Variants in C20orf96 observed in about 807,000 individuals in gnomAD.
C20orf96 encodes uncharacterized protein C20orf96.
C20orf96 carries 57 observed loss-of-function variants against 52.6 expected under a neutral mutation model. The observed-to-expected ratio is 1.08, with a 90% CI of 0.88 to 1.35. C20orf96 has a LOEUF of 1.35. Ranked by LOEUF, C20orf96 falls within the 40% of genes most tolerant of loss-of-function variation. The pLI is 0.00. For missense variants in C20orf96, 478 were observed against 443.6 expected (o/e 1.08, Z -0.70); for synonymous variants, 168 against 157.2 (o/e 1.07, Z -0.51).
intron 4 of C20orf96, 118 bp downstream of exon 4, chr20:283,844 TC>T: frequency 2.7e-6 from 2 of 735,328 alleles, no homozygotes; most frequent in Non-Finnish European, 4.8e-6. Context: ...CTCACACAGT[TC>T]CTGTGAGGAA....
Position 276,820 on chromosome 20 carries a change from G to T in C20orf96, c.885C>A (p.Phe295Leu), listed in dbSNP as rs754559449. The T allele has an allele frequency of 1.9e-6, 3 of 1,613,616 alleles. No homozygotes were observed. Among genetic ancestry groups the T allele is most frequent in the Non-Finnish European group, 2.5e-6 (3 of 1,179,778 alleles). ...LLQKMWESQD[F>L]LKCMQRFREI... The stretch of plus-strand genomic sequence containing the variant: ...CTCTGAACCTTTGCATGCATTTCAG[G>T]AAGTCCTGGCTTTCCCACATCTTCT... Residue 295 changes from phenylalanine (F) to leucine (L), a missense_variant, in exon 9 of 11, where the codon TTC (phenylalanine) becomes TTA (leucine). Transcript: ENST00000360321.
chr20:283,819 A>C lies in C20orf96; in HGVS notation c.306+144T>G, dbSNP rs1474084102. 12 of 626,924 alleles carry C rather than the reference A, an allele frequency of 1.9e-5. No individual in the cohort carries two copies. The East Asian group carries it at 3.3e-4, about 17-fold the overall frequency. 38.8% of individuals were successfully genotyped at this position (626,924 alleles called of 1,614,324 possible). Reference sequence around the variant, plus strand: ...CAGTTTCCCGGTTTGTAAAATAGGAACAAGGATAAGCGTGCTCACACAGTT... The same window carrying C: ...CAGTTTCCCGGTTTGTAAAATAGGACCAAGGATAAGCGTGCTCACACAGTT... On this transcript the variant is annotated intron_variant, in intron 4 of 10. Coordinates refer to ENST00000360321, the MANE Select transcript of C20orf96 (RefSeq NM_153269.3).
chr20:284,149 G>A (rs1482798050), intron 3 of C20orf96, 68 bp from the exon 4 acceptor site: 2 of 1,186,526 alleles, frequency 1.7e-6, no homozygotes, highest in East Asian at 4.7e-5. Context: ...AGGTTCCCGG[G>A]AGTGCACCAT....
chr20:279,992 G>A (rs188724436), intron 4 of C20orf96, among the ~76,000 whole-genome samples: 12 of 151,942 alleles, frequency 7.9e-5, no homozygotes, highest in Admixed American at 6.6e-4. Flanking sequence ...AATAATAAAC[G>A]CCCCAGGTAG....
At chr20:282,880 A>AT (rs1410220476) in intron 4 of C20orf96, among the ~76,000 whole-genome samples, 2 of 152,144 alleles carry the variant, frequency 1.3e-5, no homozygotes, top group South Asian at 4.1e-4. Context: ...TCAAAAAAAA[A>AT]TTTTTTTAAA....
At chr20:279,676 G>T (rs574869799) in intron 4 of C20orf96, among the ~76,000 whole-genome samples, 1 of 152,218 alleles carries the variant, frequency 6.6e-6, no homozygotes, top group South Asian at 2.1e-4. Context: ...ATGAAATATA[G>T]AAATAATAGT....
chr20:282,654 T>C (rs1181854621), intron 4 of C20orf96, among the ~76,000 whole-genome samples: 2 of 152,148 alleles, frequency 1.3e-5, no homozygotes, highest in Non-Finnish European at 2.9e-5. Context: ...GCAGATCACC[T>C]AAGGTCAGGA....
At chr20:283,930 G>C (rs368593103) in intron 4 of C20orf96, 33 bp downstream of exon 4, 1 of 1,449,578 alleles carries the variant, frequency 6.9e-7, no homozygotes, top group Non-Finnish European at 9.7e-7. Flanking sequence ...TCCCTGTCCT[G>C]GGCCCAGTGT....
At chr20:276,674 C>G in intron 9 of C20orf96, 119 bp downstream of exon 9, 1 of 1,501,198 alleles carries the variant, frequency 6.7e-7, no homozygotes, top group Non-Finnish European at 8.9e-7. Flanking sequence ...GAGGCCAACA[C>G]CAGAGTCAGA....
intron 4 of C20orf96, among the ~76,000 whole-genome samples, chr20:280,637 T>C (rs139618544): frequency 0.011 from 1,618 of 152,342 alleles, 29 homozygotes; most frequent in African/African-American, 0.036. Flanking sequence ...GTCTTTCCGT[T>C]ATGCTAAAAC....
intron 1 of C20orf96, 26 bp downstream of exon 1, chr20:290,563 ATT>A (rs750461479): frequency 0.013 from 15,725 of 1,223,458 alleles, 1 homozygote; most frequent in Admixed American, 0.022. Flanking sequence ...CTTTCTTCCA[ATT>A]TTTTTTTTTT....
chr20:284,196 G>A (rs2012325044), intron 3 of C20orf96, 115 bp from the exon 4 acceptor site: 1 of 735,798 alleles, frequency 1.4e-6, no homozygotes, highest in African/African-American at 1.7e-5. Flanking sequence ...TCCACCCTCT[G>A]ACTGCCTTAT....
chr20:290,341 T>C (rs1393478474), intron 1 of C20orf96, 34 bp from the exon 2 acceptor site: 3 of 1,609,884 alleles, frequency 1.9e-6, no homozygotes, highest in South Asian at 2.2e-5. Context: ...GAACTTCCAT[T>C]ATCCCCAGCC....
At chr20:276,970 G>A (rs1943062781) in intron 8 of C20orf96, 74 bp downstream of exon 8, 1 of 1,596,480 alleles carries the variant, frequency 6.3e-7, no homozygotes, top group Non-Finnish European at 8.6e-7. Context: ...GGGCCTGGAG[G>A]CAGAGGATGG....
rs769477248 is a variant in C20orf96, at chr20:277,217, C to A, written c.723+9G>T. ...CAGTCTGGTGGGAGAGGGGCAGGGG[C>A]TCCCCTACCTGCTGGCTGTCCTTAA... On this transcript the variant is annotated intron_variant, in intron 7 of 10. Coordinates refer to ENST00000360321, the MANE Select transcript of C20orf96 (RefSeq NM_153269.3). The A allele has an allele frequency of 6.2e-7, 1 of 1,614,002 alleles. No homozygotes were observed. The highest frequency in any genetic ancestry group is 8.5e-7 in the Non-Finnish European group (1 of 1,179,932).
chr20:279,376 G>C (rs200226636), intron 4 of C20orf96, 46 bp from the exon 5 acceptor site: 5 of 1,570,972 alleles, frequency 3.2e-6, no homozygotes, highest in African/African-American at 1.4e-5. Context: ...CGCCCTGCCC[G>C]GCCTGAGCCC....
intron 3 of C20orf96, among the ~76,000 whole-genome samples, chr20:286,376 G>C (rs1457767235): frequency 6.6e-6 from 1 of 151,846 alleles, no homozygotes; most frequent in Non-Finnish European, 1.5e-5. Flanking sequence ...ATTTAGCCAG[G>C]TGTGGTGGTG....
In C20orf96 at chr20:290,650, T is replaced by C; in HGVS notation, c.-40A>G. 1 of 1,609,872 alleles carries C rather than the reference T, an allele frequency of 6.2e-7. No homozygotes were observed. Among genetic ancestry groups the C allele is most frequent in the Non-Finnish European group, 8.5e-7 (1 of 1,178,786 alleles). On this transcript the variant is annotated 5_prime_UTR_variant, in exon 1 of 11. Transcript: ENST00000360321. ...GAGAAGTTGCGAGTCTGTGAGACCC[T>C]GATCTTCTGGTATAACTACTCGGCT...
rs2011835842 is a variant in C20orf96, at chr20:271,444, AC to A, written c.1032-178del. Among the ~76,000 whole-genome samples, 17 of 49,138 alleles carry A rather than the reference AC, an allele frequency of 3.5e-4. No individual in the cohort carries two copies. In the African/African-American group the frequency reaches 3.7e-3, roughly 11 times the overall value. 32.2% of individuals were successfully genotyped at this position (49,138 alleles called of 152,430 possible). The stretch of plus-strand genomic sequence containing the variant: ...AGCCCAACTGTGCATACACAAGCAT[AC>A]ACACACACACACACACACACACACA... On this transcript the variant is annotated intron_variant, in intron 10 of 10. Coordinates refer to ENST00000360321, the MANE Select transcript of C20orf96 (RefSeq NM_153269.3).
Sources: gnomAD v4.1 joint callset for allele counts (sites outside exome capture counted in the v4.1 genomes callset) on GRCh38, gnomAD v4.1.1 for gene constraint, MANE v1.5 for transcripts, NCBI Gene and HGNC (gene_info 2026-07-23, HGNC 2026-07-21) for gene names.